SUMF1: variants seen among roughly 807,000 people sequenced by gnomAD.
The protein encoded by SUMF1 is sulfatase modifying factor 1.
SUMF1 carries 48 observed loss-of-function variants against 47.6 expected under a neutral mutation model. The ratio of observed to expected loss-of-function variants is 1.01; its 90% CI spans 0.80 to 1.28. The LOEUF (loss-of-function observed/expected upper bound fraction) is 1.28, where lower values mean the gene tolerates loss of function less well. Among genes scored for constraint, SUMF1 ranks in the 50% most tolerant of loss-of-function variants. The pLI, the probability that SUMF1 is intolerant of heterozygous loss-of-function variation, is 0.00. For synonymous variants in SUMF1, 230 were observed against 192.1 expected (o/e 1.20, Z -1.63); for missense variants, 571 against 485.4 (o/e 1.18, Z -1.66).
At chr3:4,394,627 T>C (rs953328477) in intron 7 of SUMF1, among the ~76,000 whole-genome samples, 26 of 152,248 alleles carry the variant, frequency 1.7e-4, no homozygotes, top group African/African-American at 5.8e-4. Context: ...TCCCTTTATG[T>C]TTCTCGTTAG....
At chr3:4,260,916 C>T (rs191621540) in intron 8 of SUMF1, among the ~76,000 whole-genome samples, 10 of 152,204 alleles carry the variant, frequency 6.6e-5, no homozygotes, top group African/African-American at 2.4e-4. Flanking sequence ...AACGAATTCT[C>T]CTGCAGACCT....
At chr3:4,138,787 C>T (rs543725783) in intron 8 of SUMF1, among the ~76,000 whole-genome samples, 9 of 152,034 alleles carry the variant, frequency 5.9e-5, no homozygotes, top group Non-Finnish European at 1.0e-4. Context: ...ATGGTTATAG[C>T]GAGTATAGCA....
chr3:4,203,095 A>T (rs760977588), intron 8 of SUMF1, among the ~76,000 whole-genome samples: 1 of 151,974 alleles, frequency 6.6e-6, no homozygotes, highest in African/African-American at 2.4e-5. Flanking sequence ...ATCAAGTATC[A>T]AATAGACCAT....
chr3:4,243,373 T>C (rs895192499), intron 8 of SUMF1, among the ~76,000 whole-genome samples: 6 of 152,248 alleles, frequency 3.9e-5, no homozygotes, highest in Non-Finnish European at 7.3e-5. Context: ...ATTTTAGATC[T>C]TTCTTGCTTT....
At chr3:4,370,264 G>T (rs1700129645) in intron 8 of SUMF1, among the ~76,000 whole-genome samples, 1 of 152,148 alleles carries the variant, frequency 6.6e-6, no homozygotes, top group African/African-American at 2.4e-5. Context: ...ATGTCTTTGG[G>T]GTAACTGGCT....
At chr3:4,080,391 T>C (rs909485375) in intron 8 of SUMF1, among the ~76,000 whole-genome samples, 2 of 152,082 alleles carry the variant, frequency 1.3e-5, no homozygotes, top group African/African-American at 4.8e-5. Context: ...TTGAGGTGCA[T>C]GTCCCAGTTT....
At chr3:4,312,703 T>TAAAAAAAAAAAA (rs375529794) in intron 8 of SUMF1, among the ~76,000 whole-genome samples, 4 of 135,898 alleles carry the variant, frequency 2.9e-5, no homozygotes, top group Admixed American at 1.5e-4. Flanking sequence ...CCCTGTCTCT[T>TAAAAAAAAAAAA]AAAAAAAAAA....
At chr3:4,460,241 T>C (rs1452249677) in intron 1 of SUMF1, among the ~76,000 whole-genome samples, 1 of 152,174 alleles carries the variant, frequency 6.6e-6, no homozygotes, top group Non-Finnish European at 1.5e-5. Flanking sequence ...AAGAAATGCA[T>C]GCAGTGGTTG....
At chr3:4,205,117 G>A (rs1252858386) in intron 8 of SUMF1, among the ~76,000 whole-genome samples, 1 of 152,084 alleles carries the variant, frequency 6.6e-6, no homozygotes, top group African/African-American at 2.4e-5. Context: ...AGTGAAAATA[G>A]CCTTAACTGA....
At position 4,388,834 on chromosome 3, in the gene SUMF1, T is replaced by C. The variant is rs548907879; in HGVS notation, c.955-12445A>G. On this transcript the variant is annotated intron_variant, in intron 7 of 8. Transcript: ENST00000272902. ...TCATAAATGTATCAGTCTACTCATG[T>C]CATTTTAACAGTTCCAGTGAAGCAT... Among the ~76,000 whole-genome samples the C allele has an allele frequency of 9.9e-5, 15 of 152,278 alleles. No homozygotes were observed. The South Asian group carries it at 2.9e-3, about 29-fold the overall frequency.
At chr3:4,114,244 G>T (rs771889776) in intron 8 of SUMF1, among the ~76,000 whole-genome samples, 2 of 152,104 alleles carry the variant, frequency 1.3e-5, no homozygotes, top group Non-Finnish European at 2.9e-5. Flanking sequence ...TTTTGAGTAA[G>T]GTACCATGCA....
rs868686253 is a variant in SUMF1 at position 4,236,065 on chromosome 3, C to T, written c.1014+140265G>A. On this transcript the variant is annotated intron_variant and NMD_transcript_variant, in intron 8 of 12. Coordinates refer to the SUMF1 transcript ENST00000448413. Reference sequence around the variant, plus strand: ...TCAAGCCATTCCCCTACCTTAGCCCCCCAGATAGCTGGGATAACCAGGCAT... The same window carrying T: ...TCAAGCCATTCCCCTACCTTAGCCCTCCAGATAGCTGGGATAACCAGGCAT... Among the ~76,000 whole-genome samples, 4 of 152,044 alleles carry T rather than the reference C, an allele frequency of 2.6e-5. No individual in the cohort carries two copies. The South Asian group carries it at 8.3e-4, about 32-fold the overall frequency.
At chr3:4,083,686 T>C (rs1035321435) in intron 8 of SUMF1, among the ~76,000 whole-genome samples, 7 of 152,122 alleles carry the variant, frequency 4.6e-5, no homozygotes, top group African/African-American at 1.4e-4. Context: ...GCCTACAAAA[T>C]ATGTAATGCC....
At chr3:4,383,265 G>A (rs997045961) in intron 7 of SUMF1, among the ~76,000 whole-genome samples, 5 of 152,092 alleles carry the variant, frequency 3.3e-5, no homozygotes, top group African/African-American at 1.2e-4. Context: ...TATAATTCCA[G>A]CTTTTAGGGA....
At chr3:4,248,489 C>G (rs1696719385) in intron 8 of SUMF1, among the ~76,000 whole-genome samples, 1 of 152,172 alleles carries the variant, frequency 6.6e-6, no homozygotes, top group South Asian at 2.1e-4. Flanking sequence ...GAACGGCCCT[C>G]AAAACCATTC....
intron 9 of SUMF1, among the ~76,000 whole-genome samples, chr3:4,043,195 C>T (rs1439607611): frequency 6.6e-6 from 1 of 152,030 alleles, no homozygotes; most frequent in East Asian, 1.9e-4. Context: ...ACACTGGATC[C>T]CCATGCTCAC....
chr3:4,181,992 C>A (rs1449415382), intron 8 of SUMF1, among the ~76,000 whole-genome samples: 1 of 152,156 alleles, frequency 6.6e-6, no homozygotes, highest in Non-Finnish European at 1.5e-5. Context: ...CTAAAATATA[C>A]ATAATTTCAT....
At chr3:4,371,547 C>T (rs1225649460) in intron 8 of SUMF1, among the ~76,000 whole-genome samples, 1 of 152,142 alleles carries the variant, frequency 6.6e-6, no homozygotes, top group Non-Finnish European at 1.5e-5. Flanking sequence ...TCTCAATTTC[C>T]CGTCCGTTGC....
chr3:4,277,500 G>A (rs190552181), intron 8 of SUMF1, among the ~76,000 whole-genome samples: 5 of 152,110 alleles, frequency 3.3e-5, no homozygotes, highest in Admixed American at 3.3e-4. Flanking sequence ...GACCTAATAA[G>A]AAGAACAGAG....
Sources: gnomAD v4.1 joint callset for allele counts (sites outside exome capture counted in the v4.1 genomes callset) on GRCh38, gnomAD v4.1.1 for gene constraint, MANE v1.5 for transcripts, NCBI Gene and HGNC (gene_info 2026-07-23, HGNC 2026-07-21) for gene names.